Variants in NAALADL2 observed in about 807,000 individuals in gnomAD.
NAALADL2 encodes inactive N-acetylated-alpha-linked acidic dipeptidase-like protein 2.
NAALADL2 carries 76 observed loss-of-function variants against 87.2 expected under a neutral mutation model. The observed-to-expected ratio is 0.87, with a 90% CI of 0.72 to 1.05. The LOEUF is 1.05. Among genes scored for constraint, NAALADL2 ranks in the 50% least tolerant of loss-of-function variants. NAALADL2 has a pLI of 0.00. For synonymous variants in NAALADL2, 354 were observed against 331.0 expected, an observed-to-expected ratio of 1.07 and a Z score of -0.75; for missense variants, 1,089 against 945.8, an observed-to-expected ratio of 1.15 and a Z score of -1.99.
chr3:175,519,816 TAC>T (rs1185572241), intron 9 of NAALADL2, among the ~76,000 whole-genome samples: 2 of 152,218 alleles, frequency 1.3e-5, no homozygotes, highest in African/African-American at 4.8e-5. Context: ...TTACTGTCAG[TAC>T]AGTTATCCAC....
chr3:175,427,704 T>A (rs1717052720), intron 5 of NAALADL2, among the ~76,000 whole-genome samples: 2 of 152,220 alleles, frequency 1.3e-5, no homozygotes, highest in Admixed American at 1.3e-4. Flanking sequence ...TTTTCTAGAC[T>A]AGATGACTGA....
intron 2 of NAALADL2, among the ~76,000 whole-genome samples, chr3:174,669,819 AG>A (rs1677573531): frequency 1.3e-5 from 2 of 152,002 alleles, no homozygotes; most frequent in Non-Finnish European, 2.9e-5. Flanking sequence ...ATCTGTAGGT[AG>A]CTTTCGATAG....
chr3:175,187,823 G>A (rs1019909719), intron 2 of NAALADL2, among the ~76,000 whole-genome samples: 4 of 152,140 alleles, frequency 2.6e-5, no homozygotes, highest in African/African-American at 9.7e-5. Flanking sequence ...GTGCAATGAA[G>A]TGACTATAAA....
chr3:175,196,870 C>CT (rs1452556503), intron 2 of NAALADL2, among the ~76,000 whole-genome samples: 3 of 151,708 alleles, frequency 2.0e-5, no homozygotes, highest in East Asian at 1.9e-4. Context: ...AGTAATTCAG[C>CT]TTTTTTTGTG....
chr3:174,605,426 T>G (rs1718918194), intron 2 of NAALADL2, among the ~76,000 whole-genome samples: 1 of 152,034 alleles, frequency 6.6e-6, no homozygotes, highest in Non-Finnish European at 1.5e-5. Flanking sequence ...AAGAAAGGGG[T>G]GACAGACGGC....
intron 1 of NAALADL2, among the ~76,000 whole-genome samples, chr3:174,468,185 C>T (rs1440007235): frequency 6.6e-6 from 1 of 151,950 alleles, no homozygotes. Flanking sequence ...GAAAATCTGT[C>T]TAAGGTAGGA....
At chr3:175,518,523 A>G (rs1732193810) in intron 9 of NAALADL2, among the ~76,000 whole-genome samples, 3 of 152,230 alleles carry the variant, frequency 2.0e-5, no homozygotes, top group Admixed American at 2.0e-4. Flanking sequence ...TTAAAAGGAA[A>G]TTAATTGCTT....
At chr3:175,589,219 A>T (rs148513234) in intron 10 of NAALADL2, among the ~76,000 whole-genome samples, 2,227 of 152,308 alleles carry the variant, frequency 0.015, 17 homozygotes, top group Middle Eastern at 0.037. Context: ...TATATCTTGC[A>T]GAGATAACCC....
chr3:174,573,167 C>T (rs1715130879), intron 2 of NAALADL2, among the ~76,000 whole-genome samples: 1 of 152,190 alleles, frequency 6.6e-6, no homozygotes, highest in Admixed American at 6.5e-5. Flanking sequence ...ACTCCCTTAA[C>T]ATGGCTTAGA....
At chr3:175,018,992 C>T (rs1255587771) in intron 1 of NAALADL2, among the ~76,000 whole-genome samples, 1 of 151,988 alleles carries the variant, frequency 6.6e-6, no homozygotes, top group East Asian at 1.9e-4. Flanking sequence ...AAGAAACCAC[C>T]TCCTGCTTTC....
chr3:175,730,153 A>G (rs1743479161), intron 11 of NAALADL2, among the ~76,000 whole-genome samples: 1 of 151,806 alleles, frequency 6.6e-6, no homozygotes, highest in African/African-American at 2.4e-5. Context: ...TTGCAAATAC[A>G]GTCACCATAC....
At chr3:175,684,351 A>T (rs16826144) in intron 11 of NAALADL2, among the ~76,000 whole-genome samples, 4,404 of 152,286 alleles carry the variant, frequency 0.029, 212 homozygotes, top group African/African-American at 0.1. Context: ...AATACCCTTC[A>T]CAATACAAGT....
chr3:175,592,790 G>A (rs985319202), intron 10 of NAALADL2, among the ~76,000 whole-genome samples: 4 of 151,440 alleles, frequency 2.6e-5, no homozygotes, highest in South Asian at 2.1e-4. Flanking sequence ...CCTAATGCTA[G>A]ATGACGAGTT....
chr3:175,204,932 A>T (rs1740598765), intron 2 of NAALADL2, among the ~76,000 whole-genome samples: 1 of 152,102 alleles, frequency 6.6e-6, no homozygotes, highest in African/African-American at 2.4e-5. Flanking sequence ...AAAACTACAA[A>T]ACACTGCTGA....
At chr3:175,557,195 A>G (rs1715420620) in intron 9 of NAALADL2, among the ~76,000 whole-genome samples, 1 of 152,156 alleles carries the variant, frequency 6.6e-6, no homozygotes, top group African/African-American at 2.4e-5. Flanking sequence ...CATGCTCATT[A>G]TGTTTCCTTT....
At chr3:174,754,466 CTTTTT>C (rs11285494) in intron 3 of NAALADL2, among the ~76,000 whole-genome samples, 1 of 125,508 alleles carries the variant, frequency 8.0e-6, no homozygotes, top group Non-Finnish European at 1.7e-5. Context: ...ACAGAGCTAT[CTTTTT>C]TTTTTTTTTT....
chr3:174,838,038 A>G (rs1237210161), intron 3 of NAALADL2, among the ~76,000 whole-genome samples: 3 of 81,170 alleles, frequency 3.7e-5, no homozygotes, highest in Non-Finnish European at 7.6e-5. Flanking sequence ...AAAAAAAAAG[A>G]AAAAAAAAAA....
intron 5 of NAALADL2, among the ~76,000 whole-genome samples, chr3:175,381,868 C>A (rs1000715880): frequency 6.6e-6 from 1 of 152,066 alleles, no homozygotes; most frequent in African/African-American, 2.4e-5. Flanking sequence ...GTGGCAGCAG[C>A]GGGCCTGCAT....
intron 2 of NAALADL2, among the ~76,000 whole-genome samples, chr3:174,646,477 A>G (rs1723792468): frequency 6.6e-6 from 1 of 152,170 alleles, no homozygotes; most frequent in South Asian, 2.1e-4. Flanking sequence ...GTGTGCACAT[A>G]TTTTATATGT....
Sources: gnomAD v4.1 joint callset for allele counts (sites outside exome capture counted in the v4.1 genomes callset) on GRCh38, gnomAD v4.1.1 for gene constraint, MANE v1.5 for transcripts, NCBI Gene and HGNC (gene_info 2026-07-23, HGNC 2026-07-21) for gene names.